Variants in SLC25A13 observed in about 807,000 individuals in gnomAD.
SLC25A13 encodes electrogenic aspartate/glutamate antiporter SLC25A13, mitochondrial.
Under a neutral mutation model 85.5 loss-of-function variants are expected in SLC25A13, and 70 were observed. The ratio of observed to expected loss-of-function variants is 0.82; its 90% CI spans 0.68 to 1.00. The LOEUF is 1.00. SLC25A13 is among the 50% of genes least tolerant of loss of function. The probability of loss-of-function intolerance (pLI) is 0.00; values close to 1 mark genes in which losing one functional copy is unlikely to be tolerated. For synonymous variants in SLC25A13, 259 were observed against 288.7 expected, an observed-to-expected ratio of 0.90 and a Z score of 1.04; for missense variants, 765 against 819.8, an observed-to-expected ratio of 0.93 and a Z score of 0.82.
chr7:96,193,730 G>C (rs534589386), intron 5 of SLC25A13, among the ~76,000 whole-genome samples: 2 of 152,236 alleles, frequency 1.3e-5, no homozygotes, highest in South Asian at 4.2e-4. Flanking sequence ...CTTTATTACG[G>C]GAGGGCTGTC....
intron 6 of SLC25A13, among the ~76,000 whole-genome samples, chr7:96,191,915 A>C (rs1794871031): frequency 6.6e-6 from 1 of 152,156 alleles, no homozygotes; most frequent in Non-Finnish European, 1.5e-5. Flanking sequence ...AAACAGACAG[A>C]ATGTCCATTA....
chr7:96,172,360 C>T (rs1251674777), intron 11 of SLC25A13, among the ~76,000 whole-genome samples: 2 of 152,020 alleles, frequency 1.3e-5, no homozygotes, highest in East Asian at 1.9e-4. Context: ...GAGTTCGAGA[C>T]CAGCCTGACC....
intron 1 of SLC25A13, among the ~76,000 whole-genome samples, chr7:96,317,770 C>CTATTT (rs995017266): frequency 2.0e-5 from 3 of 149,554 alleles, no homozygotes; most frequent in African/African-American, 4.9e-5. Context: ...TTATTTTATT[C>CTATTT]TATTTTATTT....
At chr7:96,240,809 G>T (rs1484517934) in intron 3 of SLC25A13, among the ~76,000 whole-genome samples, 2 of 150,840 alleles carry the variant, frequency 1.3e-5, no homozygotes, top group Admixed American at 1.3e-4. Flanking sequence ...CTGATTATGA[G>T]GTCCTGTGAT....
chr7:96,126,057 T>C (rs1474921201), intron 15 of SLC25A13, among the ~76,000 whole-genome samples: 1 of 152,202 alleles, frequency 6.6e-6, no homozygotes, highest in Non-Finnish European at 1.5e-5. Flanking sequence ...TGTCTATTGA[T>C]ATTATTCAAG....
intron 2 of SLC25A13, chr7:96,283,710 A>G (rs1798771716): frequency 3.6e-6 from 1 of 279,630 alleles, no homozygotes. Context: ...AAGAAGGTGT[A>G]CCTGGTGTCA....
chr7:96,169,694 G>GC (rs1357677892), intron 13 of SLC25A13, among the ~76,000 whole-genome samples: 1 of 152,190 alleles, frequency 6.6e-6, no homozygotes, highest in Admixed American at 6.5e-5. Flanking sequence ...GCCTGACCCA[G>GC]CAGAGGGTGC....
rs529432788 is a variant in SLC25A13 at position 96,187,068 on chromosome 7, T to A, written c.934-2057A>T. On this transcript the variant is annotated intron_variant, in intron 9 of 17. Coordinates refer to ENST00000265631, the MANE Select transcript of SLC25A13 (RefSeq NM_014251.3). ...GTTTTCTGGTTCTTTTGACCTATTA[T>A]CCTCACAGTGTTTTTGATGCCAGAA... Among the ~76,000 whole-genome samples the A allele has an allele frequency of 1.8e-4, 28 of 152,334 alleles. No homozygotes were observed. In the South Asian group the frequency reaches 4.1e-3, roughly 23 times the overall value.
At chr7:96,235,073 T>C (rs912283104) in intron 3 of SLC25A13, among the ~76,000 whole-genome samples, 156 bp from the exon 4 acceptor site, 7 of 152,204 alleles carry the variant, frequency 4.6e-5, no homozygotes, top group African/African-American at 1.7e-4. Context: ...CTTTTACATA[T>C]AGTGGACTGA....
chr7:96,248,371 G>A (rs1797285430), intron 3 of SLC25A13, among the ~76,000 whole-genome samples: 1 of 152,174 alleles, frequency 6.6e-6, no homozygotes, highest in Non-Finnish European at 1.5e-5. Context: ...AAGTTCAGGG[G>A]CAGCATCAAA....
rs899493030 is a variant in SLC25A13, at chr7:96,228,942, C to T, written c.328+5860G>A. Among the ~76,000 whole-genome samples the T allele has an allele frequency of 1.3e-4, 20 of 152,284 alleles. 1 individual carries two copies. The highest frequency in any genetic ancestry group is 1.2e-3 in the South Asian group (6 of 4,822). ...TTCTCACCGGGCCTCAGCTGACTCC[C>T]GGCGGGGCAGGGCTGTCAGGAGCTG... On this transcript the variant is annotated intron_variant, in intron 4 of 17. Transcript: ENST00000265631.
At chr7:96,208,656 C>A (rs1345559822) in intron 5 of SLC25A13, among the ~76,000 whole-genome samples, 182 bp downstream of exon 5, 2 of 152,116 alleles carry the variant, frequency 1.3e-5, no homozygotes, top group Non-Finnish European at 2.9e-5. Flanking sequence ...CAGGCGCCGG[C>A]CACCACGCCT....
intron 4 of SLC25A13, among the ~76,000 whole-genome samples, chr7:96,233,788 G>GT (rs1796645424): frequency 6.6e-6 from 1 of 152,148 alleles, no homozygotes; most frequent in African/African-American, 2.4e-5. Context: ...ATATCTGTAT[G>GT]TTTTCCACAA....
At chr7:96,190,381 G>A (rs1328813340) in intron 7 of SLC25A13, among the ~76,000 whole-genome samples, 2 of 151,094 alleles carry the variant, frequency 1.3e-5, no homozygotes, top group East Asian at 2.0e-4. Context: ...ATGAGCCACC[G>A]CACCGGCTCT....
chr7:96,147,760 A>T (rs1792863958), intron 13 of SLC25A13, among the ~76,000 whole-genome samples: 2 of 152,186 alleles, frequency 1.3e-5, no homozygotes, highest in Admixed American at 6.5e-5. Flanking sequence ...ATGCATGGAG[A>T]TACTATGCAG....
intron 2 of SLC25A13, among the ~76,000 whole-genome samples, chr7:96,293,435 T>G (rs1410346085): frequency 6.6e-6 from 1 of 152,146 alleles, no homozygotes; most frequent in Non-Finnish European, 1.5e-5. Flanking sequence ...AAATGGGATC[T>G]AATCAAACTA....
chr7:96,207,778 A>G (rs1795514304), intron 5 of SLC25A13, among the ~76,000 whole-genome samples: 2 of 152,112 alleles, frequency 1.3e-5, no homozygotes. Context: ...TGGCCCAATG[A>G]TATGATCATA....
intron 2 of SLC25A13, among the ~76,000 whole-genome samples, chr7:96,293,985 G>T (rs1000439736): frequency 5.3e-5 from 8 of 152,192 alleles, no homozygotes; most frequent in Non-Finnish European, 1.2e-4. Context: ...GCACACGTAT[G>T]TTTATTGCGG....
At chr7:96,312,050 A>G (rs1799970884) in intron 1 of SLC25A13, among the ~76,000 whole-genome samples, 1 of 152,240 alleles carries the variant, frequency 6.6e-6, no homozygotes, top group East Asian at 1.9e-4. Context: ...AGGAGATTTT[A>G]GCTGGCTAAA....
Sources: gnomAD v4.1 joint callset for allele counts (sites outside exome capture counted in the v4.1 genomes callset) on GRCh38, gnomAD v4.1.1 for gene constraint, MANE v1.5 for transcripts, NCBI Gene and HGNC (gene_info 2026-07-23, HGNC 2026-07-21) for gene names.